Variants in FBLN2 observed in about 807,000 individuals in gnomAD.
The protein encoded by FBLN2 is fibulin 2.
In FBLN2, 81 loss-of-function variants were observed where a neutral mutation model predicts 123.7. That is an observed-to-expected ratio of 0.65 (90% CI 0.55 to 0.79). The LOEUF is 0.79. Among genes scored for constraint, FBLN2 ranks in the 30% least tolerant of loss-of-function variants. The pLI is 0.00. For synonymous variants in FBLN2, 699 were observed against 701.4 expected, an observed-to-expected ratio of 1.00 and a Z score of 0.05; for missense variants, 1,603 against 1,681.3, an observed-to-expected ratio of 0.95 and a Z score of 0.81.
chr3:13,597,770 G>A (rs1471975470), intron 2 of FBLN2, among the ~76,000 whole-genome samples: 2 of 152,240 alleles, frequency 1.3e-5, no homozygotes, highest in Non-Finnish European at 2.9e-5. Context: ...CTTGGCGTGG[G>A]AACAGCAGGG....
In FBLN2 at chr3:13,570,670, C is replaced by G; in HGVS notation, c.315C>G (p.Gly105=). 6.3e-7 allele frequency: 1 copy of G among 1,585,074 alleles called. No homozygotes were observed. Among genetic ancestry groups the G allele is most frequent in the Non-Finnish European group, 8.6e-7 (1 of 1,166,814 alleles). The change falls in exon 2 of 18, where the codon GGC becomes GGG. Residue 105 remains glycine, a synonymous_variant. Coordinates refer to ENST00000404922, the MANE Select transcript of FBLN2 (RefSeq NM_001004019.2). ...AGTGCTCCTGCCCACCAGGCGGCGG[C>G]AAGATCAGCTGCCAGTTCATGCTGT... ...STECSCPPGG[G]KISCQFMLCP... is the part of the protein sequence containing the mutation.
At chr3:13,610,753 G>A (rs149384546) in intron 4 of FBLN2, among the ~76,000 whole-genome samples, 139 of 152,212 alleles carry the variant, frequency 9.1e-4, no homozygotes, top group African/African-American at 3.1e-3. Context: ...CTGGAGGAAG[G>A]CAGGGCTGAG....
At chr3:13,635,865 G>A (rs114906327) in intron 16 of FBLN2, among the ~76,000 whole-genome samples, 2,591 of 152,298 alleles carry the variant, frequency 0.017, 27 homozygotes, top group Non-Finnish European at 0.028. Context: ...ATACCAAACA[G>A]CCTCGGTGTG....
At chr3:13,636,757 G>C (rs1706487464) in intron 17 of FBLN2, among the ~76,000 whole-genome samples, 189 bp downstream of exon 17, 1 of 152,240 alleles carries the variant, frequency 6.6e-6, no homozygotes, top group South Asian at 2.1e-4. Context: ...GTTGAGAGAA[G>C]GAAGGGGAAA....
At position 13,617,393 on chromosome 3, in the gene FBLN2, C is replaced by A. The variant is rs533843138; in HGVS notation, c.1730-683C>A. Among the ~76,000 whole-genome samples, 378 of 150,310 alleles carry A rather than the reference C, an allele frequency of 2.5e-3. 2 individuals carry two copies. Among genetic ancestry groups the A allele is most frequent in the Non-Finnish European group, 4.3e-3 (293 of 67,470 alleles). On this transcript the variant is annotated intron_variant, in intron 5 of 17. Transcript: ENST00000404922. ...ACTCATCCACCCATCCACCCACTCACCCATCCATCTATCCATCTACTCATC... is the reference window on the plus strand; with the variant it reads ...ACTCATCCACCCATCCACCCACTCAACCATCCATCTATCCATCTACTCATC...
chr3:13,585,263 G>A (rs868533362), intron 2 of FBLN2, among the ~76,000 whole-genome samples: 8 of 152,188 alleles, frequency 5.3e-5, no homozygotes, highest in Non-Finnish European at 1.2e-4. Context: ...GCTGGTGAGC[G>A]TGTTACCCTG....
chr3:13,577,484 C>T (rs2124835289), intron 2 of FBLN2, among the ~76,000 whole-genome samples: 1 of 152,264 alleles, frequency 6.6e-6, no homozygotes, highest in African/African-American at 2.4e-5. Flanking sequence ...CCTGTGGCCA[C>T]CATGAGGACT....
At chr3:13,633,867 C>T (rs1706350358) in intron 16 of FBLN2, among the ~76,000 whole-genome samples, 1 of 151,820 alleles carries the variant, frequency 6.6e-6, no homozygotes, top group African/African-American at 2.4e-5. Flanking sequence ...GACAGTTGAC[C>T]CCATGACTGA....
intron 8 of FBLN2, 106 bp downstream of exon 8, chr3:13,619,937 G>A (rs1046788191): frequency 3.6e-6 from 3 of 822,790 alleles, no homozygotes; most frequent in African/African-American, 3.5e-5. Context: ...AGTTTGTGCA[G>A]GAAGAGTCTT....
intron 2 of FBLN2, among the ~76,000 whole-genome samples, chr3:13,586,418 C>T (rs576582312): frequency 2.0e-4 from 30 of 151,060 alleles, no homozygotes; most frequent in African/African-American, 6.6e-4. Context: ...CTCCTGACCT[C>T]GTGATCCGCC....
intron 4 of FBLN2, among the ~76,000 whole-genome samples, chr3:13,612,031 A>G (rs1349454167): frequency 6.6e-6 from 1 of 152,138 alleles, no homozygotes; most frequent in Non-Finnish European, 1.5e-5. Flanking sequence ...GGGAGAGGGA[A>G]TTGAAGAAGC....
intron 17 of FBLN2, among the ~76,000 whole-genome samples, chr3:13,636,966 G>A (rs1363566514): frequency 6.6e-6 from 1 of 152,206 alleles, no homozygotes; most frequent in Non-Finnish European, 1.5e-5. Context: ...GCCTGTCCGG[G>A]GTGCGGGATC....
rs1703253311 is a variant in FBLN2, at chr3:13,549,129, A to G, written c.-121A>G. The G allele has an allele frequency of 1.7e-5, 17 of 982,414 alleles. No individual in the cohort carries two copies. The highest frequency in any genetic ancestry group is 2.1e-5 in the Non-Finnish European group (17 of 828,888). The allele number at this position is 982,414 out of a possible 1,614,324, so 60.9% of individuals were successfully genotyped here. A position where few individuals can be genotyped will look rare whatever the true frequency, so the allele number is the denominator to read the frequency against. ...CGCCTCCGCCCCGCCCCGCGCGCAC[A>G]CAGCCAGGGGCCGCCCGGGCTCTCG... On this transcript the variant is annotated 5_prime_UTR_variant, in exon 1 of 18. Coordinates refer to ENST00000404922, the MANE Select transcript of FBLN2 (RefSeq NM_001004019.2).
At chr3:13,608,272 C>A (rs1559417103) in intron 3 of FBLN2, 99 bp downstream of exon 3, 3 of 799,900 alleles carry the variant, frequency 3.8e-6, no homozygotes, top group Non-Finnish European at 4.0e-6. Flanking sequence ...GGAGAGAGTG[C>A]ACCTTCACAT....
intron 10 of FBLN2, 113 bp from the exon 11 acceptor site, chr3:13,627,719 T>A (rs1470509724): frequency 1.3e-5 from 18 of 1,335,300 alleles, no homozygotes; most frequent in East Asian, 2.7e-5. Context: ...CCCAGGGAGA[T>A]CTTTGTGGCC....
In FBLN2 at chr3:13,571,123, G is replaced by A. The variant is rs758662969; in HGVS notation, c.768G>A (p.Ala256=). 3.2e-5 allele frequency: 49 copies of A among 1,552,318 alleles called. No homozygotes were observed. The highest frequency in any genetic ancestry group is 4.1e-5 in the Non-Finnish European group (47 of 1,148,350). ...PWPAVLPRPT[A]AAALGPPAPV... Reference sequence around the variant, plus strand: ...CAGCTGTCCTCCCCAGGCCCACAGCGGCTGCTGCCCTGGGTCCCCCAGCCC... The same window carrying A: ...CAGCTGTCCTCCCCAGGCCCACAGCAGCTGCTGCCCTGGGTCCCCCAGCCC... Residue 256 remains alanine (A), a synonymous_variant, in exon 2 of 18, where the codon GCG becomes GCA. Transcript: ENST00000404922.
At chr3:13,557,207 T>G (rs1484068248) in intron 1 of FBLN2, among the ~76,000 whole-genome samples, 2 of 152,186 alleles carry the variant, frequency 1.3e-5, no homozygotes, top group East Asian at 3.9e-4. Context: ...CCCAGGCGCA[T>G]GTCTGGAGCC....
At chr3:13,569,155 A>G in intron 1 of FBLN2, 2 of 631,530 alleles carry the variant, frequency 3.2e-6, no homozygotes, top group South Asian at 1.4e-4. Context: ...AGGAGGCATG[A>G]GGACTGGTGA....
chr3:13,561,614 T>C (rs1372695869), intron 1 of FBLN2, among the ~76,000 whole-genome samples: 8 of 152,324 alleles, frequency 5.3e-5, no homozygotes, highest in Admixed American at 2.0e-4. Flanking sequence ...TTGCATGATA[T>C]CAGCAAGTAG....
Sources: allele counts gnomAD v4.1 joint callset (sites outside exome capture counted in the v4.1 genomes callset), GRCh38; gene constraint gnomAD v4.1.1; transcripts MANE v1.5; gene names NCBI Gene and HGNC (gene_info 2026-07-23, HGNC 2026-07-21).